CACNA2D3: variants seen among roughly 807,000 people sequenced by gnomAD.
CACNA2D3 encodes the protein voltage-dependent calcium channel subunit alpha-2/delta-3.
Under a neutral mutation model 160.6 loss-of-function variants are expected in CACNA2D3, and 60 were observed. The ratio of observed to expected loss-of-function variants is 0.37; its 90% CI spans 0.30 to 0.46. The LOEUF is 0.46. Among genes scored for constraint, CACNA2D3 ranks in the 20% least tolerant of loss-of-function variants. The probability of loss-of-function intolerance (pLI) is 1.00; values close to 1 mark genes in which losing one functional copy is unlikely to be tolerated. For missense variants in CACNA2D3, 1,205 were observed against 1,365.0 expected (o/e 0.88, Z 1.85); for synonymous variants, 558 against 492.9 (o/e 1.13, Z -1.75).
chr3:54,452,670 A>C (rs9654002), intron 4 of CACNA2D3, among the ~76,000 whole-genome samples: 62,420 of 152,058 alleles, frequency 0.41, 13,551 homozygotes, highest in African/African-American at 0.56. Flanking sequence ...AATCTGTATT[A>C]ATTTCCCAGG....
At chr3:54,651,408 A>G (rs1699761125) in intron 11 of CACNA2D3, among the ~76,000 whole-genome samples, 3 of 134,288 alleles carry the variant, frequency 2.2e-5, no homozygotes, top group African/African-American at 2.8e-5. Context: ...TGTGCGTTTT[A>G]TCTTCAGTTA....
At position 54,552,694 on chromosome 3, in the gene CACNA2D3, G is replaced by A. The variant is rs147807574; in HGVS notation, c.545-10106G>A. Among the ~76,000 whole-genome samples, 164 of 152,186 alleles carry A rather than the reference G, an allele frequency of 1.1e-3. 1 individual carries two copies. The highest frequency in any genetic ancestry group is 3.4e-3 in the African/African-American group (143 of 41,544). ...TGCCCCCTAAGTGGCCATCTCTGCC[G>A]CTATCATCATCAGCATCATCATGAT... is the stretch of plus-strand genomic sequence containing the variant. On this transcript the variant is annotated intron_variant, in intron 5 of 37. Coordinates refer to ENST00000474759, the MANE Select transcript of CACNA2D3 (RefSeq NM_018398.3).
At chr3:54,718,479 T>G (rs1701105252) in intron 11 of CACNA2D3, among the ~76,000 whole-genome samples, 1 of 152,130 alleles carries the variant, frequency 6.6e-6, no homozygotes, top group Non-Finnish European at 1.5e-5. Flanking sequence ...CCCATTGGAT[T>G]ATAGTAGTAC....
intron 11 of CACNA2D3, among the ~76,000 whole-genome samples, chr3:54,666,160 T>A (rs1700065395): frequency 6.6e-6 from 1 of 152,146 alleles, no homozygotes; most frequent in Non-Finnish European, 1.5e-5. Flanking sequence ...TCCTAATAAT[T>A]CCTTATTTAT....
chr3:54,488,312 C>A (rs999060314), intron 4 of CACNA2D3, among the ~76,000 whole-genome samples: 10 of 152,142 alleles, frequency 6.6e-5, no homozygotes, highest in African/African-American at 2.4e-4. Context: ...CATAGGAGGA[C>A]TTCCGAAACC....
chr3:55,019,789 G>A (rs758316565), intron 35 of CACNA2D3, among the ~76,000 whole-genome samples: 76 of 152,262 alleles, frequency 5.0e-4, no homozygotes, highest in African/African-American at 1.6e-3. Flanking sequence ...AAATAAAAGC[G>A]ATGAGATTAG....
intron 8 of CACNA2D3, among the ~76,000 whole-genome samples, chr3:54,576,191 G>A (rs560850162): frequency 8.5e-5 from 13 of 152,240 alleles, no homozygotes; most frequent in African/African-American, 2.2e-4. Flanking sequence ...GCCTGAAAGC[G>A]GAATTGCTTT....
intron 34 of CACNA2D3, 40 bp downstream of exon 34, chr3:55,009,483 T>A (rs562407836): frequency 6.3e-7 from 1 of 1,577,794 alleles, no homozygotes; most frequent in African/African-American, 1.3e-5. Flanking sequence ...CTTGGAGGGA[T>A]AAGCGCTGGG....
At chr3:54,967,380 G>A (rs1702177819) in intron 27 of CACNA2D3, among the ~76,000 whole-genome samples, 1 of 152,142 alleles carries the variant, frequency 6.6e-6, no homozygotes, top group East Asian at 1.9e-4. Flanking sequence ...GAGTATTTAA[G>A]TGATTTTTTT....
intron 17 of CACNA2D3, among the ~76,000 whole-genome samples, chr3:54,852,644 T>C (rs1397989911): frequency 6.6e-6 from 1 of 152,184 alleles, no homozygotes; most frequent in East Asian, 1.9e-4. Context: ...TCCTGGGCAG[T>C]GCACGTTTGT....
At chr3:54,717,550 GGTGT>G (rs35851414) in intron 11 of CACNA2D3, among the ~76,000 whole-genome samples, 86,337 of 147,760 alleles carry the variant, frequency 0.58, 26,225 homozygotes, top group Non-Finnish European at 0.67. Flanking sequence ...GTGCATGTGT[GGTGT>G]GTGTGTGTGT....
intron 2 of CACNA2D3, among the ~76,000 whole-genome samples, chr3:54,236,216 A>G (rs964201637): frequency 1.3e-5 from 2 of 152,220 alleles, no homozygotes; most frequent in African/African-American, 2.4e-5. Flanking sequence ...AAACATGACA[A>G]TTAAGTGTAA....
chr3:54,233,240 T>C (rs1701808927), intron 2 of CACNA2D3, among the ~76,000 whole-genome samples: 1 of 152,226 alleles, frequency 6.6e-6, no homozygotes, highest in Non-Finnish European at 1.5e-5. Context: ...GGGCTTAGTC[T>C]GTTAGCATTT....
intron 13 of CACNA2D3, among the ~76,000 whole-genome samples, chr3:54,803,100 A>G (rs1372632401): frequency 6.6e-6 from 1 of 152,178 alleles, no homozygotes; most frequent in Non-Finnish European, 1.5e-5. Context: ...TAAAACCACA[A>G]AGATGGGGAA....
chr3:54,749,732 A>G lies in CACNA2D3; in HGVS notation c.1168-2867A>G, dbSNP rs114886725. 7.9e-3 allele frequency among the ~76,000 whole-genome samples: 1,208 copies of G among 152,356 alleles called. 10 individuals are homozygous for G. The highest frequency in any genetic ancestry group is 0.016 in the Admixed American group (251 of 15,300). On this transcript the variant is annotated intron_variant, in intron 11 of 37. Transcript: ENST00000474759. Reference sequence around the variant, plus strand: ...TGTTTATTTTGTAGGCAGACATGCAACAAGTCATTTTCATGCCATTTCTGC... The same window carrying G: ...TGTTTATTTTGTAGGCAGACATGCAGCAAGTCATTTTCATGCCATTTCTGC...
At chr3:54,673,539 T>C (rs1700193510) in intron 11 of CACNA2D3, among the ~76,000 whole-genome samples, 2 of 152,224 alleles carry the variant, frequency 1.3e-5, no homozygotes, top group South Asian at 2.1e-4. Context: ...TAGTGAAATC[T>C]GTAAGTCTCA....
At chr3:55,016,863 A>T (rs1219211570) in intron 34 of CACNA2D3, among the ~76,000 whole-genome samples, 1 of 152,200 alleles carries the variant, frequency 6.6e-6, no homozygotes, top group African/African-American at 2.4e-5. Flanking sequence ...AGAAACCGTC[A>T]TGCTAGGATA....
At position 54,838,764 on chromosome 3, in the gene CACNA2D3, C is replaced by T. The variant is rs1444529753; in HGVS notation, c.1551+116C>T. ...GCGATGTTTTTGCTCACCACTATTA[C>T]AGCCTGTTAGCTTGTCTTTATACCA... On this transcript the variant is annotated intron_variant, in intron 16 of 37. Coordinates refer to ENST00000474759, the MANE Select transcript of CACNA2D3 (RefSeq NM_018398.3). The T allele has an allele frequency of 1.4e-5, 11 of 772,002 alleles. No individual in the cohort carries two copies. In the East Asian group the frequency reaches 1.7e-4, roughly 12 times the overall value. 47.8% of individuals were successfully genotyped at this position (772,002 alleles called of 1,614,324 possible). A position where few individuals can be genotyped will look rare whatever the true frequency, so the allele number is the denominator to read the frequency against.
At chr3:54,683,643 C>T (rs1430855567) in intron 11 of CACNA2D3, among the ~76,000 whole-genome samples, 1 of 152,178 alleles carries the variant, frequency 6.6e-6, no homozygotes, top group African/African-American at 2.4e-5. Context: ...TCATGCTTCC[C>T]CTTCTTCCTT....
Sources: allele counts gnomAD v4.1 joint callset (sites outside exome capture counted in the v4.1 genomes callset), GRCh38; gene constraint gnomAD v4.1.1; transcripts MANE v1.5; gene names NCBI Gene and HGNC (gene_info 2026-07-23, HGNC 2026-07-21).